The following NAALADL2 variants were observed in gnomAD, a reference collection of about 807,000 sequenced individuals.
NAALADL2 encodes inactive N-acetylated-alpha-linked acidic dipeptidase-like protein 2.
NAALADL2 carries 76 observed loss-of-function variants against 87.2 expected under a neutral mutation model. The ratio of observed to expected loss-of-function variants is 0.87; its 90% CI spans 0.72 to 1.05. The LOEUF (loss-of-function observed/expected upper bound fraction) is 1.05. Among genes scored for constraint, NAALADL2 ranks in the 50% least tolerant of loss-of-function variants. The pLI is 0.00. For synonymous variants in NAALADL2, 354 were observed against 331.0 expected (o/e 1.07, Z -0.75); for missense variants, 1,089 against 945.8 (o/e 1.15, Z -1.99).
rs182153036 is a variant in NAALADL2, at chr3:174,990,602, A to T, written c.44-106188A>T. Among the ~76,000 whole-genome samples, 211 of 152,286 alleles carry T rather than the reference A, an allele frequency of 1.4e-3. 1 individual carries two copies. The highest frequency in any genetic ancestry group is 2.2e-3 in the Admixed American group (33 of 15,288). On this transcript the variant is annotated intron_variant, in intron 1 of 13. Coordinates refer to ENST00000454872, the MANE Select transcript of NAALADL2 (RefSeq NM_207015.3). ...TATGGAAAGCCGGGAGGAACTTTTC[A>T]AAAGTCGATAAAAACCAAAAAAAGC...
intron 2 of NAALADL2, among the ~76,000 whole-genome samples, chr3:174,735,278 G>A (rs1159936162): frequency 3.3e-5 from 5 of 152,116 alleles, no homozygotes; most frequent in African/African-American, 1.2e-4. Context: ...GTCATTTATT[G>A]AGCACCTAAT....
intron 10 of NAALADL2, among the ~76,000 whole-genome samples, chr3:175,582,292 A>G (rs1476108742): frequency 6.6e-6 from 1 of 152,196 alleles, no homozygotes. Flanking sequence ...ATCTACTTCA[A>G]ATTGCCTAAT....
chr3:175,664,077 G>C (rs1171283723), intron 11 of NAALADL2, among the ~76,000 whole-genome samples: 4 of 151,898 alleles, frequency 2.6e-5, no homozygotes, highest in Admixed American at 2.6e-4. Flanking sequence ...TCAATTATTG[G>C]AAAATTTAGA....
chr3:175,001,023 G>A (rs2108761149), intron 1 of NAALADL2, among the ~76,000 whole-genome samples: 1 of 152,212 alleles, frequency 6.6e-6, no homozygotes, highest in South Asian at 2.1e-4. Context: ...CCATAGCTAG[G>A]GTGGCCAATT....
At chr3:175,322,605 T>C (rs1309480468) in intron 4 of NAALADL2, among the ~76,000 whole-genome samples, 1 of 119,790 alleles carries the variant, frequency 8.3e-6, no homozygotes, top group Non-Finnish European at 1.6e-5. Context: ...AAAGGGCTAA[T>C]ATCCAGAATC....
At chr3:175,747,455 T>G (rs1746074499) in intron 12 of NAALADL2, among the ~76,000 whole-genome samples, 1 of 152,164 alleles carries the variant, frequency 6.6e-6, no homozygotes, top group African/African-American at 2.4e-5. Context: ...CTAAGGTGTA[T>G]TTTTTGGATA....
intron 1 of NAALADL2, among the ~76,000 whole-genome samples, chr3:174,893,028 A>G (rs548116811): frequency 6.6e-6 from 1 of 152,158 alleles, no homozygotes; most frequent in Non-Finnish European, 1.5e-5. Context: ...AAGGTCAAGG[A>G]TAAAGAAAGG....
At chr3:174,907,691 G>A (rs982648593) in intron 1 of NAALADL2, among the ~76,000 whole-genome samples, 1 of 152,160 alleles carries the variant, frequency 6.6e-6, no homozygotes, top group Non-Finnish European at 1.5e-5. Context: ...TACTACCAAT[G>A]TTCAAAAGCA....
chr3:174,854,775 ATTG>A (rs1390721076), upstream of NAALADL2, among the ~76,000 whole-genome samples: 2 of 150,570 alleles, frequency 1.3e-5, no homozygotes, highest in Non-Finnish European at 3.0e-5. Flanking sequence ...ACACAGTATC[ATTG>A]TTTTTATTAT....
chr3:174,926,221 T>C (rs888874242), intron 1 of NAALADL2, among the ~76,000 whole-genome samples: 3 of 152,084 alleles, frequency 2.0e-5, no homozygotes, highest in African/African-American at 7.2e-5. Context: ...AAAGACCAAA[T>C]CTACATCTGA....
At chr3:175,108,935 A>AT (rs1280637928) in intron 2 of NAALADL2, among the ~76,000 whole-genome samples, 3 of 151,454 alleles carry the variant, frequency 2.0e-5, no homozygotes, top group Non-Finnish European at 4.4e-5. Context: ...GCATGGGCAG[A>AT]TTTTTTTTCT....
intron 4 of NAALADL2, among the ~76,000 whole-genome samples, chr3:175,312,586 G>A (rs192187938): frequency 6.6e-6 from 1 of 152,066 alleles, no homozygotes; most frequent in Non-Finnish European, 1.5e-5. Context: ...GTTTGTAAAG[G>A]ATGGACGTAT....
intron 8 of NAALADL2, among the ~76,000 whole-genome samples, chr3:175,471,437 T>C (rs1724857570): frequency 7.1e-6 from 1 of 140,982 alleles, no homozygotes. Context: ...ATCACGCCAC[T>C]GCACTCCAGT....
intron 1 of NAALADL2, among the ~76,000 whole-genome samples, chr3:174,516,891 T>C (rs1047629003): frequency 2.6e-5 from 4 of 152,010 alleles, no homozygotes; most frequent in African/African-American, 9.6e-5. Context: ...ATTTTGAAAT[T>C]TGAAAAAATA....
chr3:175,333,953 G>T (rs1459257632), intron 5 of NAALADL2, among the ~76,000 whole-genome samples: 1 of 152,028 alleles, frequency 6.6e-6, no homozygotes, highest in African/African-American at 2.4e-5. Flanking sequence ...CCATATATAT[G>T]TATAAATATC....
At chr3:174,645,560 G>A (rs961562022) in intron 2 of NAALADL2, among the ~76,000 whole-genome samples, 4 of 152,090 alleles carry the variant, frequency 2.6e-5, no homozygotes, top group African/African-American at 4.8e-5. Context: ...CTACAAAAAG[G>A]CCATATTTTC....
chr3:175,294,114 C>A (rs1385860229), intron 4 of NAALADL2, among the ~76,000 whole-genome samples: 1 of 152,038 alleles, frequency 6.6e-6, no homozygotes, highest in African/African-American at 2.4e-5. Context: ...GGGAATTTGA[C>A]GAGGATTCTG....
chr3:174,919,607 A>G (rs374359549), intron 1 of NAALADL2, among the ~76,000 whole-genome samples: 129 of 152,286 alleles, frequency 8.5e-4, no homozygotes, highest in African/African-American at 2.9e-3. Context: ...TGAAGTCCTC[A>G]ACCTCTCAAA....
chr3:175,165,181 C>T (rs1733799531), intron 2 of NAALADL2, among the ~76,000 whole-genome samples: 1 of 152,108 alleles, frequency 6.6e-6, no homozygotes, highest in South Asian at 2.1e-4. Flanking sequence ...TAATCTCTCC[C>T]CATGCTTCCA....
Sources: allele counts gnomAD v4.1 joint callset (sites outside exome capture counted in the v4.1 genomes callset), GRCh38; gene constraint gnomAD v4.1.1; transcripts MANE v1.5; gene names NCBI Gene and HGNC (gene_info 2026-07-23, HGNC 2026-07-21).